Variants in OPCML observed in about 807,000 individuals in gnomAD.
The protein encoded by OPCML is opioid binding protein/cell adhesion molecule like, also known as opioid-binding protein/cell adhesion molecule.
A neutral mutation model predicts 37.8 loss-of-function variants in OPCML; 13 were observed. The observed-to-expected ratio is 0.34, with a 90% CI of 0.22 to 0.55. The LOEUF (loss-of-function observed/expected upper bound fraction) is 0.55. OPCML is among the 20% of genes least tolerant of loss of function. The probability of loss-of-function intolerance (pLI) is 0.91; values close to 1 mark genes in which losing one functional copy is unlikely to be tolerated. For synonymous variants in OPCML, 176 were observed against 168.8 expected (o/e 1.04, Z -0.33); for missense variants, 341 against 435.6 (o/e 0.78, Z 1.93).
chr11:133,034,577 A>G (rs2136931227), intron 1 of OPCML, among the ~76,000 whole-genome samples: 1 of 152,276 alleles, frequency 6.6e-6, no homozygotes, highest in African/African-American at 2.4e-5. Context: ...ACCTTGGTCA[A>G]ATTGCTGACC....
chr11:132,954,406 AG>A (rs1945931186), intron 1 of OPCML, among the ~76,000 whole-genome samples: 1 of 146,896 alleles, frequency 6.8e-6, no homozygotes, highest in South Asian at 2.2e-4. Context: ...GACCCCTCAA[AG>A]GAAAAGTTCA....
intron 3 of OPCML, among the ~76,000 whole-genome samples, chr11:132,545,739 T>C (rs1378510763): frequency 6.6e-6 from 1 of 152,234 alleles, no homozygotes; most frequent in Non-Finnish European, 1.5e-5. Flanking sequence ...GTTGTTCTCA[T>C]ATTTAAAGAA....
chr11:133,034,483 T>A (rs1030452501), intron 1 of OPCML, among the ~76,000 whole-genome samples: 2 of 152,186 alleles, frequency 1.3e-5, no homozygotes, highest in African/African-American at 4.8e-5. Context: ...TTTATTCATA[T>A]GGCGTGCAGC....
intron 1 of OPCML, among the ~76,000 whole-genome samples, chr11:133,249,112 G>A (rs1941044774): frequency 6.6e-6 from 1 of 152,122 alleles, no homozygotes; most frequent in African/African-American, 2.4e-5. Context: ...CTGGTTTTGT[G>A]TTGCTATAAA....
At chr11:132,441,158 C>CTTTTTTGT (rs2096031548) in intron 4 of OPCML, among the ~76,000 whole-genome samples, 2 of 108,058 alleles carry the variant, frequency 1.9e-5, no homozygotes, top group Non-Finnish European at 1.8e-5. Context: ...TCACCAAGGA[C>CTTTTTTGT]TTTTTTGTTT....
intron 2 of OPCML, among the ~76,000 whole-genome samples, chr11:132,883,347 T>C (rs745696132): frequency 3.0e-4 from 45 of 151,858 alleles, no homozygotes; most frequent in Non-Finnish European, 6.5e-4. Context: ...TGATTCTTTA[T>C]AGAAAACACA....
intron 7 of OPCML, among the ~76,000 whole-genome samples, chr11:132,422,372 G>A (rs1334035874): frequency 6.6e-6 from 1 of 152,206 alleles, no homozygotes; most frequent in Non-Finnish European, 1.5e-5. Context: ...AGAGAGAGAA[G>A]GAGGCAGAAT....
rs917177791 is a variant in OPCML at position 132,416,927 on chromosome 11, G to A, written c.*3266C>T. The A allele has an allele frequency of 6.6e-6, 1 of 152,560 alleles. No individual in the cohort carries two copies. The highest frequency in any genetic ancestry group is 1.5e-5 in the Non-Finnish European group (1 of 68,036). The allele number at this position is 152,560 out of a possible 1,614,324, so 9.5% of individuals were successfully genotyped here. ...AAGCTTGGCTGCAGCCTTAACACGA[G>A]CACTTTCATTGGCATTACTTTGGTG... On this transcript the variant is annotated 3_prime_UTR_variant, in exon 8 of 8. Coordinates refer to ENST00000524381, the MANE Select transcript of OPCML (RefSeq NM_001012393.5).
intron 2 of OPCML, among the ~76,000 whole-genome samples, chr11:132,710,255 T>G (rs1446600795): frequency 2.6e-5 from 4 of 152,140 alleles, no homozygotes; most frequent in Non-Finnish European, 5.9e-5. Context: ...AATTCAGTTT[T>G]TTTCTCAGTT....
At position 132,857,201 on chromosome 11, in the gene OPCML, C is replaced by T. The variant is rs565504092; in HGVS notation, c.146+85725G>A. 9.2e-5 allele frequency among the ~76,000 whole-genome samples: 14 copies of T among 152,104 alleles called. No individual in the cohort carries two copies. The South Asian group carries it at 1.2e-3, about 14-fold the overall frequency. The stretch of plus-strand genomic sequence containing the variant: ...ATGGTTGTGAAGAAGTATTTCATAG[C>T]GAGTTTAATTTGAGTTTTCCTAATG... On this transcript the variant is annotated intron_variant, in intron 2 of 7. Coordinates refer to ENST00000524381, the MANE Select transcript of OPCML (RefSeq NM_001012393.5).
intron 1 of OPCML, among the ~76,000 whole-genome samples, chr11:133,124,668 C>G (rs1158128049): frequency 1.3e-5 from 2 of 152,134 alleles, no homozygotes; most frequent in Admixed American, 6.5e-5. Context: ...GCCCCTTGTT[C>G]CTCAGCCTTC....
At chr11:132,539,842 G>T (rs1179680389) in intron 3 of OPCML, among the ~76,000 whole-genome samples, 2 of 151,784 alleles carry the variant, frequency 1.3e-5, no homozygotes, top group Admixed American at 1.3e-4. Context: ...GATGTTGAGG[G>T]TAATAAGGGT....
At chr11:132,721,836 G>C (rs561795176) in intron 2 of OPCML, among the ~76,000 whole-genome samples, 4 of 152,012 alleles carry the variant, frequency 2.6e-5, no homozygotes, top group Non-Finnish European at 4.4e-5. Flanking sequence ...GGAAAGGAGA[G>C]AGAGAAAGAT....
chr11:133,013,178 T>C (rs1256830612), intron 1 of OPCML, among the ~76,000 whole-genome samples: 7 of 152,256 alleles, frequency 4.6e-5, no homozygotes, highest in Non-Finnish European at 7.3e-5. Context: ...ATGTGGGCTC[T>C]GTTTTACAGA....
chr11:133,219,684 G>A (rs999104238), intron 1 of OPCML, among the ~76,000 whole-genome samples: 2 of 152,120 alleles, frequency 1.3e-5, no homozygotes, highest in Non-Finnish European at 2.9e-5. Context: ...TCACTTTGGG[G>A]ACCCTTGACA....
chr11:132,803,030 C>A (rs1182254226), intron 2 of OPCML, among the ~76,000 whole-genome samples: 1 of 152,212 alleles, frequency 6.6e-6, no homozygotes, highest in Non-Finnish European at 1.5e-5. Flanking sequence ...AGCTCCCACT[C>A]TAACAAGCAA....
At chr11:133,327,085 G>T (rs947678310) in intron 1 of OPCML, among the ~76,000 whole-genome samples, 2 of 142,334 alleles carry the variant, frequency 1.4e-5, no homozygotes, top group Non-Finnish European at 3.1e-5. Flanking sequence ...CACGAGATGG[G>T]GTATGTGGTG....
chr11:133,328,109 A>G (rs901146896), intron 1 of OPCML, among the ~76,000 whole-genome samples: 1 of 152,092 alleles, frequency 6.6e-6, no homozygotes, highest in East Asian at 1.9e-4. Flanking sequence ...TCTATGCCTC[A>G]TCTATAAAAC....
chr11:133,412,135 T>C (rs1270683082), intron 1 of OPCML, among the ~76,000 whole-genome samples: 1 of 152,206 alleles, frequency 6.6e-6, no homozygotes, highest in Non-Finnish European at 1.5e-5. Context: ...CAAGGTGTGA[T>C]GAATGCAGTC....
Sources: allele counts gnomAD v4.1 joint callset (sites outside exome capture counted in the v4.1 genomes callset), GRCh38; gene constraint gnomAD v4.1.1; transcripts MANE v1.5; gene names NCBI Gene and HGNC (gene_info 2026-07-23, HGNC 2026-07-21).